The following TF variants were observed in gnomAD, a reference collection of about 807,000 sequenced individuals.
The protein encoded by TF is serotransferrin.
A neutral mutation model predicts 82.4 loss-of-function variants in TF; 55 were observed. The observed-to-expected ratio is 0.67, with a 90% CI of 0.54 to 0.84. TF has a LOEUF of 0.84. Among genes scored for constraint, TF ranks in the 40% least tolerant of loss-of-function variants. The probability of loss-of-function intolerance (pLI) is 0.00; values close to 1 mark genes in which losing one functional copy is unlikely to be tolerated. For missense variants in TF, 737 were observed against 868.4 expected (o/e 0.85, Z 1.90); for synonymous variants, 332 against 332.6 (o/e 1.00, Z 0.02).
In TF at chr3:133,792,219, T is replaced by C. The variant is rs1934856767; in HGVS notation, c.*13599T>C. 1 of 152,220 alleles carries C rather than the reference T, an allele frequency of 6.6e-6. No homozygotes were observed. Among genetic ancestry groups the C allele is most frequent in the Non-Finnish European group, 1.5e-5 (1 of 68,038 alleles). The allele number at this position is 152,220 out of a possible 1,614,324, so 9.4% of individuals were successfully genotyped here. On this transcript the variant is annotated 3_prime_UTR_variant, in exon 17 of 17. Coordinates refer to ENST00000402696, the MANE Select transcript of TF (RefSeq NM_001063.4). The stretch of plus-strand genomic sequence containing the variant: ...GGTTATAAAGAAAGGAGATTTTATA[T>C]AAGAAAGGATCTTATATCGTAAATT...
upstream of TF, among the ~76,000 whole-genome samples, chr3:133,742,129 G>A (rs1215506748): frequency 2.6e-5 from 4 of 152,108 alleles, no homozygotes; most frequent in African/African-American, 9.7e-5. Flanking sequence ...CACTACAGGT[G>A]CATGCCACTG....
the TF span, among the ~76,000 whole-genome samples, chr3:133,679,296 A>G: frequency 3.3e-5 from 5 of 152,222 alleles, no homozygotes; most frequent in Non-Finnish European, 4.4e-5. Flanking sequence ...TGTTGGGATT[A>G]TAGGTGGTAG....
chr3:133,755,562 G>C, intron 5 of TF, 67 bp downstream of exon 5: 1 of 1,606,860 alleles, frequency 6.2e-7, no homozygotes, highest in Non-Finnish European at 8.5e-7. Flanking sequence ...AGAGTTCTTT[G>C]CTGGTCCAAA....
At chr3:133,778,534 A>C in intron 16 of TF, 52 bp from the exon 17 acceptor site, 1 of 1,597,772 alleles carries the variant, frequency 6.3e-7, no homozygotes, top group South Asian at 1.1e-5. Flanking sequence ...GACAGTTCAG[A>C]AATAAATATA....
intron 14 of TF, 43 bp from the exon 15 acceptor site, chr3:133,775,389 CT>C: frequency 1.2e-6 from 2 of 1,610,818 alleles, no homozygotes; most frequent in African/African-American, 2.7e-5. Flanking sequence ...AGCGGGGCAC[CT>C]TGACCAAAGC....
At chr3:133,684,313 G>A in the TF span, among the ~76,000 whole-genome samples, 28 of 151,990 alleles carry the variant, frequency 1.8e-4, no homozygotes, top group Admixed American at 7.9e-4. Flanking sequence ...AAGAGCAAAC[G>A]CATTCAAAAG....
At chr3:133,742,868 C>T (rs149581387), upstream of TF, among the ~76,000 whole-genome samples, 13 of 152,328 alleles carry the variant, frequency 8.5e-5, no homozygotes, top group South Asian at 2.1e-4. Flanking sequence ...TACACACAAG[C>T]GCAGCTATTT....
chr3:133,705,827 A>G, the TF span, among the ~76,000 whole-genome samples: 3 of 152,176 alleles, frequency 2.0e-5, no homozygotes, highest in African/African-American at 4.8e-5. Flanking sequence ...ATTGTTGGGG[A>G]GAGGAAAGCT....
In TF at chr3:133,775,590, C is replaced by T. The variant is rs142894328; in HGVS notation, c.1845C>T (p.Cys615=). ...AVVTRKDKEA[C]VHKILRQQQH... is the part of the protein sequence containing the mutation. ...TCACACGGAAAGATAAGGAAGCTTGCGTCCACAAGATATTACGTCAACAGC... is the reference window on the plus strand; with the variant it reads ...TCACACGGAAAGATAAGGAAGCTTGTGTCCACAAGATATTACGTCAACAGC... Residue 615 remains cysteine, a synonymous_variant, in exon 15 of 17, where the codon TGC becomes TGT. Coordinates refer to ENST00000402696, the MANE Select transcript of TF (RefSeq NM_001063.4). 1.3e-5 allele frequency: 21 copies of T among 1,614,070 alleles called. No individual in the cohort carries two copies. The highest frequency in any genetic ancestry group is 8.0e-5 in the African/African-American group (6 of 74,936).
chr3:133,731,850 A>G, the TF span, among the ~76,000 whole-genome samples: 1 of 152,240 alleles, frequency 6.6e-6, no homozygotes, highest in African/African-American at 2.4e-5. Flanking sequence ...CTTTGACTCC[A>G]ATCCCATGCC....
At position 133,775,527 on chromosome 3, in the gene TF, G is replaced by C; in HGVS notation, c.1782G>C (p.Ala594=). ...DGTRKPVEEY[A]NCHLARAPNH... ...CCAGGAAACCTGTGGAGGAGTATGC[G>C]AACTGCCACCTGGCCAGAGCCCCGA... Residue 594 remains alanine (A), a synonymous_variant, in exon 15 of 17, where the codon GCG becomes GCC. Transcript: ENST00000402696. The C allele has an allele frequency of 6.2e-7, 1 of 1,614,150 alleles. No individual in the cohort carries two copies. The highest frequency in any genetic ancestry group is 8.5e-7 in the Non-Finnish European group (1 of 1,180,004).
At chr3:133,667,889 C>T in the TF span, among the ~76,000 whole-genome samples, 2 of 152,206 alleles carry the variant, frequency 1.3e-5, no homozygotes, top group South Asian at 4.1e-4. Flanking sequence ...CCACTCCCCT[C>T]ATGATAGGCC....
At chr3:133,762,579 A>G (rs1021805512) in intron 9 of TF, among the ~76,000 whole-genome samples, 3 of 152,162 alleles carry the variant, frequency 2.0e-5, no homozygotes, top group African/African-American at 7.2e-5. Flanking sequence ...GGAAATAAAC[A>G]TTGTATAGGG....
chr3:133,709,065 A>G, the TF span, among the ~76,000 whole-genome samples: 50 of 152,298 alleles, frequency 3.3e-4, no homozygotes, highest in East Asian at 8.5e-3. Flanking sequence ...TGTAGCTGTG[A>G]CCAAGGGATA....
At chr3:133,730,921 T>C in the TF span, among the ~76,000 whole-genome samples, 1 of 152,224 alleles carries the variant, frequency 6.6e-6, no homozygotes, top group Admixed American at 6.5e-5. Flanking sequence ...TCTTATTAAA[T>C]TGTACATGTA....
chr3:133,734,716 C>A, the TF span, among the ~76,000 whole-genome samples: 7 of 151,996 alleles, frequency 4.6e-5, no homozygotes, highest in Non-Finnish European at 1.0e-4. Context: ...AAGAACACAG[C>A]ATTGTGTCTG....
intron 14 of TF, 149 bp from the exon 15 acceptor site, chr3:133,775,284 C>A: frequency 1.3e-6 from 1 of 777,826 alleles, no homozygotes; most frequent in South Asian, 1.5e-5. Context: ...ATGGGTGTCT[C>A]TTCCTGTCCA....
At chr3:133,733,721 CT>C in the TF span, among the ~76,000 whole-genome samples, 1 of 152,198 alleles carries the variant, frequency 6.6e-6, no homozygotes, top group African/African-American at 2.4e-5. Context: ...CTGAATATCT[CT>C]GCTCCGTTAT....
chr3:133,786,222 T>TTTAAAA lies in TF; in HGVS notation c.*7602_*7603insTTAAAA, dbSNP rs59954827. 3.6e-5 allele frequency: 3 copies of TTTAAAA among 84,352 alleles called. No homozygotes were observed. Among genetic ancestry groups the TTTAAAA allele is most frequent in the Non-Finnish European group, 4.8e-5 (2 of 41,296 alleles). The allele number at this position is 84,352 out of a possible 1,614,324, so 5.2% of individuals were successfully genotyped here. On this transcript the variant is annotated 3_prime_UTR_variant, in exon 17 of 17. Coordinates refer to ENST00000402696, the MANE Select transcript of TF (RefSeq NM_001063.4). ...AAGAATTATCAATAAAAAAATAAAT[T>TTTAAAA]AAAAAAAAAAAAAAAAAACAATACT... is the stretch of plus-strand genomic sequence containing the variant.
Sources: gnomAD v4.1 joint callset for allele counts (sites outside exome capture counted in the v4.1 genomes callset) on GRCh38, gnomAD v4.1.1 for gene constraint, MANE v1.5 for transcripts, NCBI Gene and HGNC (gene_info 2026-07-23, HGNC 2026-07-21) for gene names.